MTUS2: variants seen among roughly 807,000 people sequenced by gnomAD.
MTUS2 encodes the protein microtubule associated scaffold protein 2, also known as microtubule-associated tumor suppressor candidate 2.
Under a neutral mutation model 114.1 loss-of-function variants are expected in MTUS2, and 40 were observed. The ratio of observed to expected loss-of-function variants is 0.35; its 90% confidence interval spans 0.27 to 0.46. The LOEUF is 0.46. Among genes scored for constraint, MTUS2 ranks in the 20% least tolerant of loss-of-function variants. The probability of loss-of-function intolerance (pLI) is 1.00; values close to 1 mark genes in which losing one functional copy is unlikely to be tolerated. For missense variants in MTUS2, 1,679 were observed against 1,705.4 expected (o/e 0.98, Z 0.27); for synonymous variants, 688 against 672.0 (o/e 1.02, Z -0.37).
chr13:29,094,494 A>G (rs1258988761), intron 4 of MTUS2, among the ~76,000 whole-genome samples: 5 of 152,020 alleles, frequency 3.3e-5, no homozygotes, highest in South Asian at 2.1e-4. Context: ...TCATAGTACA[A>G]TATTCCCATA....
At chr13:29,364,621 AGCTTTATCTGTTTAAT>A (rs1427262026) in intron 8 of MTUS2, among the ~76,000 whole-genome samples, 3 of 152,224 alleles carry the variant, frequency 2.0e-5, no homozygotes, top group Non-Finnish European at 4.4e-5. Context: ...AAGGCTTGCT[AGCTTTATCTGTTTAAT>A]GCATTCAGAT....
chr13:29,098,928 G>T (rs1299722224), intron 4 of MTUS2, among the ~76,000 whole-genome samples: 1 of 152,164 alleles, frequency 6.6e-6, no homozygotes, highest in African/African-American at 2.4e-5. Context: ...GGAGGTGATA[G>T]ATAACTTAAA....
chr13:29,448,355 T>G (rs1473341174), intron 9 of MTUS2, among the ~76,000 whole-genome samples: 1 of 152,230 alleles, frequency 6.6e-6, no homozygotes, highest in Non-Finnish European at 1.5e-5. Flanking sequence ...TGCTCAAAGC[T>G]GTGACTATCT....
At chr13:29,215,909 T>C (rs1238859170) in intron 5 of MTUS2, among the ~76,000 whole-genome samples, 1 of 152,232 alleles carries the variant, frequency 6.6e-6, no homozygotes, top group Non-Finnish European at 1.5e-5. Flanking sequence ...AGAACTGTGC[T>C]GGGAGATCTG....
chr13:29,200,403 T>C (rs983717265), intron 5 of MTUS2, among the ~76,000 whole-genome samples: 2 of 152,134 alleles, frequency 1.3e-5, no homozygotes, highest in Non-Finnish European at 2.9e-5. Context: ...TTTGTTCTTA[T>C]TAGTTTTTAA....
At chr13:28,878,833 C>G (rs1003484681) in intron 2 of MTUS2, among the ~76,000 whole-genome samples, 1 of 152,114 alleles carries the variant, frequency 6.6e-6, no homozygotes, top group African/African-American at 2.4e-5. Flanking sequence ...TGCTGTTCCT[C>G]TGAGTATATA....
At chr13:29,108,575 G>T (rs935011511) in intron 5 of MTUS2, among the ~76,000 whole-genome samples, 1 of 152,110 alleles carries the variant, frequency 6.6e-6, no homozygotes, top group East Asian at 1.9e-4. Flanking sequence ...TAAGCTCAGC[G>T]CCAGGGCTGC....
chr13:29,253,788 C>T (rs560997520), intron 5 of MTUS2, among the ~76,000 whole-genome samples: 3 of 152,176 alleles, frequency 2.0e-5, no homozygotes, highest in Admixed American at 6.5e-5. Context: ...TGATGGAAGG[C>T]GAGGAAGAGC....
intron 8 of MTUS2, among the ~76,000 whole-genome samples, chr13:29,404,940 G>C (rs1874637754): frequency 6.6e-6 from 1 of 152,226 alleles, no homozygotes; most frequent in Admixed American, 6.5e-5. Context: ...CTGTAAAAGA[G>C]AGGACACTGG....
intron 6 of MTUS2, among the ~76,000 whole-genome samples, chr13:29,319,021 C>T (rs1566127787): frequency 6.6e-6 from 1 of 152,106 alleles, no homozygotes; most frequent in Non-Finnish European, 1.5e-5. Flanking sequence ...CGGCAAAAGC[C>T]CCAGTGCTCT....
Position 29,034,062 on chromosome 13 carries a change from A to G in MTUS2, c.2383A>G (p.Ser795Gly). 1 of 1,613,986 alleles carries G rather than the reference A, an allele frequency of 6.2e-7. No homozygotes were observed. Among genetic ancestry groups the G allele is most frequent in the Middle Eastern group, 1.6e-4 (1 of 6,062 alleles). ...ILIASQRSSA[S>G]AIHPPGPITT... is the part of the protein sequence containing the mutation. The stretch of plus-strand genomic sequence containing the variant: ...GATTGCAAGTCAGAGGTCTTCAGCG[A>G]GCGCCATCCACCCACCAGGACCCAT... The change falls in exon 4 of 16, where the codon AGC becomes GGC. Residue 795 changes from serine (S) to glycine (G), a missense_variant. By Grantham distance (56) the Ser-to-Gly change is moderately conservative. This residue lies in a region of MTUS2 where 822 missense variants were observed against 899.7 expected (regional missense o/e 0.91). Coordinates refer to ENST00000612955, the MANE Select transcript of MTUS2 (RefSeq NM_001033602.4).
intron 5 of MTUS2, among the ~76,000 whole-genome samples, chr13:29,197,766 A>T (rs1223329425): frequency 6.6e-6 from 1 of 152,038 alleles, no homozygotes; most frequent in Admixed American, 6.6e-5. Flanking sequence ...CTGGCGTGAG[A>T]TGGTATCTCA....
At chr13:28,864,274 A>G (rs1877165317) in intron 2 of MTUS2, among the ~76,000 whole-genome samples, 2 of 152,210 alleles carry the variant, frequency 1.3e-5, no homozygotes, top group Admixed American at 6.5e-5. Flanking sequence ...CTACATGCTC[A>G]TCATAGCAAG....
chr13:28,940,707 G>A (rs1041221423), intron 2 of MTUS2, among the ~76,000 whole-genome samples: 1 of 152,086 alleles, frequency 6.6e-6, no homozygotes, highest in African/African-American at 2.4e-5. Flanking sequence ...TATAGGTAAA[G>A]AAGGAAATAG....
intron 11 of MTUS2, 180 bp downstream of exon 11, chr13:29,488,185 G>A (rs973433031): frequency 6.7e-6 from 4 of 594,884 alleles, no homozygotes; most frequent in Admixed American, 2.9e-5. Context: ...GATCCAGGTA[G>A]TTAGCTGCTT....
At chr13:29,027,386 T>A (rs1009457175) in intron 3 of MTUS2, among the ~76,000 whole-genome samples, 14 of 152,312 alleles carry the variant, frequency 9.2e-5, no homozygotes, top group African/African-American at 3.1e-4. Flanking sequence ...AGGCATGGAC[T>A]CTTTCTTTAA....
chr13:29,417,965 T>C (rs188665888), intron 8 of MTUS2, among the ~76,000 whole-genome samples: 34 of 152,332 alleles, frequency 2.2e-4, no homozygotes, highest in Admixed American at 7.2e-4. Context: ...CCAGACTTTT[T>C]AGTGGAGTTG....
chr13:29,087,723 C>A (rs752448720), intron 4 of MTUS2, among the ~76,000 whole-genome samples: 1 of 152,144 alleles, frequency 6.6e-6, no homozygotes, highest in Non-Finnish European at 1.5e-5. Flanking sequence ...GTTTTGCTCT[C>A]ATTTCTCCAG....
chr13:28,945,710 C>T (rs1377360749), intron 2 of MTUS2, among the ~76,000 whole-genome samples: 2 of 152,056 alleles, frequency 1.3e-5, no homozygotes, highest in Non-Finnish European at 2.9e-5. Flanking sequence ...TGTTTGAGTT[C>T]CTTATTGATT....
Sources: allele counts gnomAD v4.1 joint callset (sites outside exome capture counted in the v4.1 genomes callset), GRCh38; gene constraint gnomAD v4.1.1; regional missense constraint gnomAD v4.1.1; transcripts MANE v1.5; gene names NCBI Gene and HGNC (gene_info 2026-07-23, HGNC 2026-07-21).